Variants in MRPS31 observed in about 807,000 individuals in gnomAD.
The protein encoded by MRPS31 is small ribosomal subunit protein mS31.
Under a neutral mutation model 43.1 loss-of-function variants are expected in MRPS31, and 32 were observed. The ratio of observed to expected loss-of-function variants is 0.74; its 90% CI spans 0.56 to 1.00. The LOEUF (loss-of-function observed/expected upper bound fraction) is 1.00. MRPS31 is among the 50% of genes least tolerant of loss of function. The pLI, the probability that MRPS31 is intolerant of heterozygous loss-of-function variation, is 0.00. For missense variants in MRPS31, 437 were observed against 466.7 expected (o/e 0.94, Z 0.59); for synonymous variants, 165 against 161.6 (o/e 1.02, Z -0.16).
At chr13:40,748,657 T>C (rs2138004689) in intron 6 of MRPS31, among the ~76,000 whole-genome samples, 1 of 152,352 alleles carries the variant, frequency 6.6e-6, no homozygotes, top group South Asian at 2.1e-4. Flanking sequence ...CAGGCAAAGA[T>C]TTCCAAAGCA....
chr13:40,769,487 G>A (rs776203087), intron 1 of MRPS31, among the ~76,000 whole-genome samples: 22 of 144,686 alleles, frequency 1.5e-4, no homozygotes, highest in Non-Finnish European at 2.8e-4. Flanking sequence ...AAGAGAAAAT[G>A]GCAATTTCAA....
intron 1 of MRPS31, 125 bp from the exon 2 acceptor site, chr13:40,767,158 G>GTTGC: frequency 1.3e-6 from 1 of 750,478 alleles, no homozygotes; most frequent in Non-Finnish European, 1.9e-6. Flanking sequence ...AGCCCTTTCC[G>GTTGC]TTGCTTTTTT....
chr13:40,748,951 A>T (rs1880314205), intron 6 of MRPS31, among the ~76,000 whole-genome samples, 187 bp downstream of exon 6: 1 of 152,184 alleles, frequency 6.6e-6, no homozygotes, highest in Non-Finnish European at 1.5e-5. Flanking sequence ...TTCCTTATCG[A>T]ATATCTAAAA....
chr13:40,734,155 C>G (rs1290973746), intron 6 of MRPS31, among the ~76,000 whole-genome samples: 20 of 152,010 alleles, frequency 1.3e-4, no homozygotes, highest in Admixed American at 1.2e-3. Flanking sequence ...TGAAATAAAA[C>G]TATTTCCAAT....
intron 4 of MRPS31, 72 bp downstream of exon 4, chr13:40,756,801 A>T (rs1269488537): frequency 6.6e-7 from 1 of 1,515,466 alleles, no homozygotes; most frequent in Non-Finnish European, 9.1e-7. Context: ...CACACACACA[A>T]TAAGGTAAAT....
At chr13:40,735,126 G>A (rs1457303396) in intron 6 of MRPS31, among the ~76,000 whole-genome samples, 2 of 152,216 alleles carry the variant, frequency 1.3e-5, no homozygotes, top group Non-Finnish European at 2.9e-5. Flanking sequence ...CTCGGGAAGC[G>A]CAAGGGGTCA....
At position 40,729,308 on chromosome 13, in the gene MRPS31, T is replaced by A; in HGVS notation, c.*64A>T. On this transcript the variant is annotated 3_prime_UTR_variant, in exon 7 of 7. Coordinates refer to ENST00000323563, the MANE Select transcript of MRPS31 (RefSeq NM_005830.4). Reference sequence around the variant, plus strand: ...TCAACATAACATATACAAACTCTAGTAAAATTATTTTATTTAGTTGTAATA... The same window carrying A: ...TCAACATAACATATACAAACTCTAGAAAAATTATTTTATTTAGTTGTAATA... The A allele has an allele frequency of 3.6e-6, 3 of 835,092 alleles. No homozygotes were observed. The highest frequency in any genetic ancestry group is 1.9e-5 in the South Asian group (1 of 53,026). The allele number at this position is 835,092 out of a possible 1,614,324, so 51.7% of individuals were successfully genotyped here. A position where few individuals can be genotyped will look rare whatever the true frequency, so the allele number is the denominator to read the frequency against.
Position 40,761,689 on chromosome 13 carries a change from CT to C in MRPS31, c.441-2584del, listed in dbSNP as rs369378642. Among the ~76,000 whole-genome samples, 14 of 152,254 alleles carry C rather than the reference CT, an allele frequency of 9.2e-5. No individual in the cohort carries two copies. In the East Asian group the frequency reaches 2.7e-3, roughly 29 times the overall value. On this transcript the variant is annotated intron_variant, in intron 2 of 6. Transcript: ENST00000323563. ...ATTAAAACCATTTCATTAATACAAA[CT>C]TTTCCCCTTCATAACATTCTGTACT... is the stretch of plus-strand genomic sequence containing the variant.
At chr13:40,732,688 T>C (rs1879733445) in intron 6 of MRPS31, among the ~76,000 whole-genome samples, 1 of 151,950 alleles carries the variant, frequency 6.6e-6, no homozygotes, top group Non-Finnish European at 1.5e-5. Context: ...CAGTAAGCTG[T>C]GATCACACCA....
At chr13:40,769,979 C>G (rs558484323) in intron 1 of MRPS31, among the ~76,000 whole-genome samples, 1 of 152,306 alleles carries the variant, frequency 6.6e-6, no homozygotes, top group South Asian at 2.1e-4. Flanking sequence ...TTCACACTTT[C>G]TATATTAAAA....
Position 40,729,321 on chromosome 13 carries a change from T to C in MRPS31, c.*51A>G. ...TACAAACTCTAGTAAAATTATTTTA[T>C]TTAGTTGTAATATCCATCTCTAATT... On this transcript the variant is annotated 3_prime_UTR_variant, in exon 7 of 7. Coordinates refer to ENST00000323563, the MANE Select transcript of MRPS31 (RefSeq NM_005830.4). 1 of 888,310 alleles carries C rather than the reference T, an allele frequency of 1.1e-6. No individual in the cohort carries two copies. The highest frequency in any genetic ancestry group is 2.7e-5 in the East Asian group (1 of 37,458). 55.0% of individuals were successfully genotyped at this position (888,310 alleles called of 1,614,324 possible).
intron 5 of MRPS31, among the ~76,000 whole-genome samples, chr13:40,751,702 T>C (rs1462525688): frequency 6.6e-6 from 1 of 152,232 alleles, no homozygotes; most frequent in Admixed American, 6.5e-5. Flanking sequence ...AGTGAACAAT[T>C]GCTAAATTTA....
chr13:40,764,626 G>A (rs548422671), intron 2 of MRPS31, among the ~76,000 whole-genome samples: 6 of 152,100 alleles, frequency 3.9e-5, no homozygotes, highest in Non-Finnish European at 8.8e-5. Flanking sequence ...TTTCTCTTGA[G>A]ACACCCGCCC....
chr13:40,731,582 A>G (rs1879701644), intron 6 of MRPS31, among the ~76,000 whole-genome samples: 1 of 149,208 alleles, frequency 6.7e-6, no homozygotes, highest in African/African-American at 2.4e-5. Flanking sequence ...ACTCTGTCCA[A>G]AAAAAAAAAA....
intron 6 of MRPS31, among the ~76,000 whole-genome samples, chr13:40,730,248 C>T (rs1470500820): frequency 6.6e-6 from 1 of 150,790 alleles, no homozygotes; most frequent in Non-Finnish European, 1.5e-5. Flanking sequence ...CAAGACCAGG[C>T]GTGGTGGCTC....
chr13:40,769,923 T>C (rs909684017), intron 1 of MRPS31, among the ~76,000 whole-genome samples: 1 of 152,214 alleles, frequency 6.6e-6, no homozygotes, highest in African/African-American at 2.4e-5. Context: ...ATGCAACACC[T>C]TCAACACCAC....
At chr13:40,767,741 A>G (rs1880891828) in intron 1 of MRPS31, among the ~76,000 whole-genome samples, 1 of 152,260 alleles carries the variant, frequency 6.6e-6, no homozygotes, top group African/African-American at 2.4e-5. Context: ...TTAATAAATG[A>G]CAATTTATTA....
chr13:40,734,746 A>T (rs1042964813), intron 6 of MRPS31, among the ~76,000 whole-genome samples: 3 of 152,018 alleles, frequency 2.0e-5, no homozygotes, highest in Non-Finnish European at 4.4e-5. Context: ...AGAAAAAAAA[A>T]TTAGCCAGGC....
intron 2 of MRPS31, among the ~76,000 whole-genome samples, chr13:40,764,858 C>T (rs185169634): frequency 1.3e-5 from 2 of 152,224 alleles, no homozygotes; most frequent in African/African-American, 2.4e-5. Context: ...CTAGTCAAAT[C>T]GCTAACCCAC....
Sources: gnomAD v4.1 joint callset for allele counts (sites outside exome capture counted in the v4.1 genomes callset) on GRCh38, gnomAD v4.1.1 for gene constraint, MANE v1.5 for transcripts, NCBI Gene and HGNC (gene_info 2026-07-23, HGNC 2026-07-21) for gene names.